Variants in CTNNA3 observed in about 807,000 individuals in gnomAD.
The protein encoded by CTNNA3 is catenin alpha 3.
In CTNNA3, 76 loss-of-function variants were observed where a neutral mutation model predicts 95.7. The ratio of observed to expected loss-of-function variants is 0.79; its 90% CI spans 0.66 to 0.96. The LOEUF (loss-of-function observed/expected upper bound fraction) is 0.96. CTNNA3 is among the 40% of genes least tolerant of loss of function. The pLI is 0.00. For synonymous variants in CTNNA3, 431 were observed against 374.4 expected (o/e 1.15, Z -1.74); for missense variants, 1,191 against 1,089.8 (o/e 1.09, Z -1.31).
At chr10:66,494,309 A>ACTTTC (rs1354132382) in intron 11 of CTNNA3, among the ~76,000 whole-genome samples, 1 of 152,190 alleles carries the variant, frequency 6.6e-6, no homozygotes, top group Non-Finnish European at 1.5e-5. Flanking sequence ...AGAAAAGAAA[A>ACTTTC]CTTGGTCCGA....
intron 11 of CTNNA3, among the ~76,000 whole-genome samples, chr10:66,478,590 A>G (rs1839407347): frequency 6.6e-6 from 1 of 151,958 alleles, no homozygotes; most frequent in Admixed American, 6.6e-5. Context: ...ATTTTTTAAA[A>G]TTTGGAAAAT....
chr10:66,072,547 C>T lies in CTNNA3; in HGVS notation c.1978-3058G>A, dbSNP rs1360198542. Among the ~76,000 whole-genome samples, 5 of 152,022 alleles carry T rather than the reference C, an allele frequency of 3.3e-5. No homozygotes were observed. In the South Asian group the frequency reaches 6.2e-4, roughly 19 times the overall value. On this transcript the variant is annotated intron_variant, in intron 14 of 17. Coordinates refer to ENST00000433211, the MANE Select transcript of CTNNA3 (RefSeq NM_013266.4). ...GCCACCTCTACCTCCTAGATTCAAG[C>T]AATTCTCCCACCTCAGCCTCCCAAG...
chr10:66,441,634 C>T (rs915728193), intron 11 of CTNNA3, among the ~76,000 whole-genome samples: 5 of 152,152 alleles, frequency 3.3e-5, no homozygotes, highest in African/African-American at 1.2e-4. Context: ...AAAGTCTGAT[C>T]TTGAATTTAT....
Position 66,265,302 on chromosome 10 carries a change from C to T in CTNNA3, c.1884+15168G>A, listed in dbSNP as rs552000113. On this transcript the variant is annotated intron_variant, in intron 13 of 17. Transcript: ENST00000433211. ...TAGCTACATGGATGTAGGTAACTCA[C>T]TTCAAGGTGGTATTCTCCTTTATCA... Among the ~76,000 whole-genome samples, 32 of 152,136 alleles carry T rather than the reference C, an allele frequency of 2.1e-4. 1 individual carries two copies. The South Asian group carries it at 6.6e-3, about 31-fold the overall frequency.
chr10:67,429,359 A>G (rs923629983), intron 5 of CTNNA3, among the ~76,000 whole-genome samples: 1 of 152,084 alleles, frequency 6.6e-6, no homozygotes, highest in African/African-American at 2.4e-5. Context: ...AATAGAAATA[A>G]CAAATTACAA....
chr10:67,575,032 T>G (rs1842099324), intron 3 of CTNNA3, among the ~76,000 whole-genome samples: 3 of 152,198 alleles, frequency 2.0e-5, no homozygotes, highest in Non-Finnish European at 2.9e-5. Context: ...TGTAGGATAC[T>G]GAAATCATAT....
rs2077020989 is a variant in CTNNA3 at position 65,917,461 on chromosome 10, G to GCTT, written c.*2868_*2869insAAG. Reference sequence around the variant, plus strand: ...AGGCCATTTAGTGGATTATTATTTCGTTTTTTTTTAAATTTTCATTCTAAT... The same window carrying GCTT: ...AGGCCATTTAGTGGATTATTATTTCGCTTTTTTTTTTTAAATTTTCATTCTAAT... On this transcript the variant is annotated 3_prime_UTR_variant, in exon 18 of 18. Transcript: ENST00000433211. 1 of 150,010 alleles carries GCTT rather than the reference G, an allele frequency of 6.7e-6. No homozygotes were observed. The highest frequency in any genetic ancestry group is 2.1e-4 in the South Asian group (1 of 4,764). 9.3% of individuals were successfully genotyped at this position (150,010 alleles called of 1,614,324 possible).
chr10:66,045,957 G>A (rs1297181312), intron 15 of CTNNA3, among the ~76,000 whole-genome samples: 2 of 152,280 alleles, frequency 1.3e-5, no homozygotes, highest in East Asian at 3.9e-4. Flanking sequence ...AAGTTTTAAA[G>A]AGGGAGTGGC....
intron 10 of CTNNA3, among the ~76,000 whole-genome samples, chr10:66,593,944 TA>T (rs1340798874): frequency 1.3e-5 from 2 of 152,088 alleles, no homozygotes; most frequent in Non-Finnish European, 2.9e-5. Context: ...ATATTATCCC[TA>T]TCCCATCCAA....
chr10:67,067,635 A>G (rs1856174052), intron 7 of CTNNA3, among the ~76,000 whole-genome samples: 1 of 152,206 alleles, frequency 6.6e-6, no homozygotes, highest in South Asian at 2.1e-4. Flanking sequence ...CTTAGAGTAC[A>G]TCCTAGGTAA....
intron 13 of CTNNA3, among the ~76,000 whole-genome samples, chr10:66,182,574 T>C (rs2086109560): frequency 6.6e-6 from 1 of 152,124 alleles, no homozygotes; most frequent in South Asian, 2.1e-4. Context: ...TATTTCTAAA[T>C]AAGAACATCT....
chr10:66,870,093 C>T (rs1004206557), intron 7 of CTNNA3, among the ~76,000 whole-genome samples: 6 of 152,102 alleles, frequency 3.9e-5, no homozygotes, highest in Admixed American at 2.0e-4. Flanking sequence ...AAGGAAACAT[C>T]GTACCACCCA....
At chr10:66,579,618 G>T (rs560443694) in intron 10 of CTNNA3, among the ~76,000 whole-genome samples, 1 of 151,680 alleles carries the variant, frequency 6.6e-6, no homozygotes, top group South Asian at 2.1e-4. Flanking sequence ...ACAAGTTTTT[G>T]CATTGTTGAT....
chr10:66,784,050 G>C (rs1030769713), intron 7 of CTNNA3, among the ~76,000 whole-genome samples: 6 of 152,036 alleles, frequency 3.9e-5, no homozygotes, highest in Non-Finnish European at 8.8e-5. Context: ...CCACGATTCT[G>C]GTTATTGTTT....
intron 5 of CTNNA3, among the ~76,000 whole-genome samples, chr10:67,333,657 T>C (rs1841881333): frequency 6.6e-6 from 1 of 152,216 alleles, no homozygotes; most frequent in African/African-American, 2.4e-5. Context: ...GCTATTTTGT[T>C]GGCTCACTGA....
intron 3 of CTNNA3, among the ~76,000 whole-genome samples, chr10:67,570,729 A>T (rs1841948727): frequency 6.6e-6 from 1 of 152,174 alleles, no homozygotes. Flanking sequence ...AGCATATTTG[A>T]CATAGTTGAT....
At chr10:66,433,547 T>C (rs2131756479) in intron 11 of CTNNA3, among the ~76,000 whole-genome samples, 1 of 152,360 alleles carries the variant, frequency 6.6e-6, no homozygotes, top group South Asian at 2.1e-4. Context: ...ATATTAGCCC[T>C]TTGTCAAATG....
chr10:67,696,223 T>G (rs887664573), upstream of CTNNA3: 1 of 152,146 alleles, frequency 6.6e-6, no homozygotes, highest in Non-Finnish European at 1.5e-5. Flanking sequence ...GGGTGGTATC[T>G]AATCCTGAAC....
chr10:66,196,832 A>G (rs2086987623), intron 13 of CTNNA3, among the ~76,000 whole-genome samples: 1 of 152,188 alleles, frequency 6.6e-6, no homozygotes, highest in Non-Finnish European at 1.5e-5. Flanking sequence ...GAAGTGTTAG[A>G]ATCTGAGGTA....
Sources: allele counts gnomAD v4.1 joint callset (sites outside exome capture counted in the v4.1 genomes callset), GRCh38; gene constraint gnomAD v4.1.1; transcripts MANE v1.5; gene names NCBI Gene and HGNC (gene_info 2026-07-23, HGNC 2026-07-21).